Variants in GRIN2B observed in about 807,000 individuals in gnomAD.
GRIN2B encodes glutamate receptor ionotropic, NMDA 2B.
GRIN2B carries 5 observed loss-of-function variants against 114.5 expected under a neutral mutation model. That is an observed-to-expected ratio of 0.04 (90% CI 0.02 to 0.09). The LOEUF is 0.09. Ranked by LOEUF, GRIN2B falls within the 10% of genes least tolerant of loss-of-function variation. The pLI is 1.00. For synonymous variants in GRIN2B, 787 were observed against 745.1 expected, an observed-to-expected ratio of 1.06 and a Z score of -0.92; for missense variants, 1,108 against 1,943.5, an observed-to-expected ratio of 0.57 and a Z score of 8.08.
chr12:13,604,907 C>T (rs1949216116), intron 10 of GRIN2B, among the ~76,000 whole-genome samples: 2 of 151,966 alleles, frequency 1.3e-5, no homozygotes, highest in South Asian at 4.1e-4. Context: ...ACTGTTTTGT[C>T]ATCTGCAAAG....
intron 3 of GRIN2B, among the ~76,000 whole-genome samples, chr12:13,830,494 C>A (rs1235262205): frequency 1.3e-5 from 2 of 152,112 alleles, no homozygotes; most frequent in African/African-American, 4.8e-5. Context: ...GAGAAAAAAA[C>A]AAATGTCCTA....
intron 10 of GRIN2B, among the ~76,000 whole-genome samples, chr12:13,605,551 T>TCTCTCTCTCTCTCTCTCTCACACACA: frequency 3.0e-4 from 9 of 30,438 alleles, no homozygotes; most frequent in Non-Finnish European, 4.4e-4. Context: ...TCTCTCTCTC[T>TCTCTCTCTCTCTCTCTCTCACACACA]GACACACACA....
intron 11 of GRIN2B, among the ~76,000 whole-genome samples, chr12:13,571,325 C>G (rs1948705737): frequency 6.6e-6 from 1 of 152,130 alleles, no homozygotes; most frequent in Non-Finnish European, 1.5e-5. Context: ...GACAAACACT[C>G]CCTAGAGGAC....
chr12:13,603,349 G>A (rs1949190158), intron 10 of GRIN2B, among the ~76,000 whole-genome samples: 1 of 152,232 alleles, frequency 6.6e-6, no homozygotes, highest in Admixed American at 6.5e-5. Flanking sequence ...AGGAATGTAG[G>A]AAGAAAAGTG....
chr12:13,577,046 G>C (rs886398349), intron 10 of GRIN2B, among the ~76,000 whole-genome samples: 3 of 152,168 alleles, frequency 2.0e-5, no homozygotes, highest in Non-Finnish European at 2.9e-5. Context: ...ACACAGTGTA[G>C]AGGGAGGACA....
intron 3 of GRIN2B, among the ~76,000 whole-genome samples, chr12:13,792,116 T>C (rs1591733575): frequency 6.6e-6 from 1 of 152,242 alleles, no homozygotes; most frequent in Non-Finnish European, 1.5e-5. Context: ...CTGCCGTGAC[T>C]GATGGCAGCA....
intron 2 of GRIN2B, among the ~76,000 whole-genome samples, chr12:13,888,769 A>G (rs1255672346): frequency 7.4e-6 from 1 of 134,630 alleles, no homozygotes; most frequent in Non-Finnish European, 1.6e-5. Flanking sequence ...AGTATAAAAG[A>G]TTTTTTAAAA....
intron 2 of GRIN2B, among the ~76,000 whole-genome samples, chr12:13,972,279 TTGAAG>T (rs1283409511): frequency 6.6e-6 from 1 of 152,232 alleles, no homozygotes; most frequent in Non-Finnish European, 1.5e-5. Context: ...GATTTTGTTA[TTGAAG>T]TGGAGTTCAA....
intron 5 of GRIN2B, among the ~76,000 whole-genome samples, chr12:13,664,752 T>C (rs1949957860): frequency 6.6e-6 from 1 of 152,166 alleles, no homozygotes. Flanking sequence ...TCCTCTCCCT[T>C]AGCTAGTTGA....
chr12:13,550,370 T>C lies in GRIN2B; in HGVS notation c.*12413A>G. 1 of 152,178 alleles carries C rather than the reference T, an allele frequency of 6.6e-6. No homozygotes were observed. The highest frequency in any genetic ancestry group is 1.5e-5 in the Non-Finnish European group (1 of 68,022). The allele number at this position is 152,178 out of a possible 1,614,324, so 9.4% of individuals were successfully genotyped here. A position where few individuals can be genotyped will look rare whatever the true frequency, so the allele number is the denominator to read the frequency against. On this transcript the variant is annotated 3_prime_UTR_variant, in exon 14 of 14. Coordinates refer to ENST00000609686, the MANE Select transcript of GRIN2B (RefSeq NM_000834.5). Reference sequence around the variant, plus strand: ...TCTTTACATGGGAATAAGCTAAAAATGCTCGAGAAATGACTCTTCAGATTT... The same window carrying C: ...TCTTTACATGGGAATAAGCTAAAAACGCTCGAGAAATGACTCTTCAGATTT...
rs1174194464 is a variant in GRIN2B, at chr12:13,553,329, T to G, written c.*9454A>C. ...TATATTTACAGAGAAAGGAGTAGTTTAGAGACTAGCATTCTCTCTGAGCCA... is the reference window on the plus strand; with the variant it reads ...TATATTTACAGAGAAAGGAGTAGTTGAGAGACTAGCATTCTCTCTGAGCCA... On this transcript the variant is annotated 3_prime_UTR_variant, in exon 14 of 14. Transcript: ENST00000609686. The G allele has an allele frequency of 6.6e-6, 1 of 152,208 alleles. No individual in the cohort carries two copies. Among genetic ancestry groups the G allele is most frequent in the East Asian group, 1.9e-4 (1 of 5,196 alleles). 9.4% of individuals were successfully genotyped at this position (152,208 alleles called of 1,614,324 possible).
intron 3 of GRIN2B, among the ~76,000 whole-genome samples, chr12:13,787,984 C>T (rs1176236208): frequency 6.6e-6 from 1 of 152,178 alleles, no homozygotes; most frequent in Non-Finnish European, 1.5e-5. Flanking sequence ...ATAGCAGCCC[C>T]ACGCCTCTCT....
intron 3 of GRIN2B, among the ~76,000 whole-genome samples, chr12:13,756,313 C>T (rs1863575873): frequency 6.6e-6 from 1 of 152,152 alleles, no homozygotes; most frequent in Admixed American, 6.5e-5. Flanking sequence ...TGCGCCCATC[C>T]AAATTTCTGT....
At chr12:13,791,461 AAT>A (rs1864319856) in intron 3 of GRIN2B, among the ~76,000 whole-genome samples, 1 of 132,262 alleles carries the variant, frequency 7.6e-6, no homozygotes, top group African/African-American at 2.7e-5. Context: ...CAAAAAAAAA[AAT>A]AAAAAAAAAA....
At chr12:13,760,873 T>C (rs1450485551) in intron 3 of GRIN2B, among the ~76,000 whole-genome samples, 2 of 152,204 alleles carry the variant, frequency 1.3e-5, no homozygotes, top group African/African-American at 2.4e-5. Context: ...CTTTGATGAG[T>C]AGAAATTCTG....
intron 2 of GRIN2B, among the ~76,000 whole-genome samples, chr12:13,916,167 T>G (rs1866716678): frequency 6.6e-6 from 1 of 152,176 alleles, no homozygotes; most frequent in Admixed American, 6.5e-5. Context: ...AAATGAGATC[T>G]TTGACATTTC....
chr12:13,762,783 G>A (rs1211087538), intron 3 of GRIN2B, among the ~76,000 whole-genome samples: 1 of 152,186 alleles, frequency 6.6e-6, no homozygotes, highest in South Asian at 2.1e-4. Context: ...GCATGGCTGA[G>A]TTTAAAATGT....
At chr12:13,646,696 T>C (rs1189480221) in intron 5 of GRIN2B, among the ~76,000 whole-genome samples, 1 of 151,928 alleles carries the variant, frequency 6.6e-6, no homozygotes, top group East Asian at 1.9e-4. Context: ...TATTTCCGTA[T>C]TTATTTTCAT....
chr12:13,616,309 G>A (rs1000670747), intron 6 of GRIN2B, 146 bp downstream of exon 6: 6 of 700,414 alleles, frequency 8.6e-6, no homozygotes, highest in Non-Finnish European at 1.6e-5. Context: ...CCAGAGGGCT[G>A]CCAGTAATCC....
Sources: gnomAD v4.1 joint callset for allele counts (sites outside exome capture counted in the v4.1 genomes callset) on GRCh38, gnomAD v4.1.1 for gene constraint, MANE v1.5 for transcripts, NCBI Gene and HGNC (gene_info 2026-07-23, HGNC 2026-07-21) for gene names.